Variants in GPC6 observed in about 807,000 individuals in gnomAD.
The protein encoded by GPC6 is glypican 6, also known as glypican-6.
A neutral mutation model predicts 55.2 loss-of-function variants in GPC6; 14 were observed. That is an observed-to-expected ratio of 0.25 (90% CI 0.17 to 0.40). The LOEUF is 0.40. Ranked by LOEUF, GPC6 falls within the 10% of genes least tolerant of loss-of-function variation. The pLI, the probability that GPC6 is intolerant of heterozygous loss-of-function variation, is 1.00. For missense variants in GPC6, 641 were observed against 708.5 expected (o/e 0.90, Z 1.08); for synonymous variants, 278 against 259.6 (o/e 1.07, Z -0.68).
At chr13:93,422,812 TCTG>T (rs1454579412) in intron 1 of GPC6, among the ~76,000 whole-genome samples, 14 of 152,336 alleles carry the variant, frequency 9.2e-5, no homozygotes, top group Middle Eastern at 6.8e-3. Flanking sequence ...AAAGGTTTTC[TCTG>T]TAAAAAAGGT....
chr13:93,694,334 A>G (rs1169685100), intron 2 of GPC6, among the ~76,000 whole-genome samples: 1 of 152,178 alleles, frequency 6.6e-6, no homozygotes, highest in Non-Finnish European at 1.5e-5. Context: ...TATCTGGGTG[A>G]GAAATTGGTT....
chr13:93,667,876 A>T (rs1461614641), intron 2 of GPC6, among the ~76,000 whole-genome samples: 1 of 152,038 alleles, frequency 6.6e-6, no homozygotes, highest in Non-Finnish European at 1.5e-5. Flanking sequence ...TTAGAACTTG[A>T]TCAATTAACA....
At chr13:94,272,742 A>C (rs1245144194) in intron 4 of GPC6, among the ~76,000 whole-genome samples, 1 of 152,110 alleles carries the variant, frequency 6.6e-6, no homozygotes, top group Non-Finnish European at 1.5e-5. Context: ...TGCTGGGATT[A>C]CAGGCATGAG....
intron 1 of GPC6, among the ~76,000 whole-genome samples, chr13:93,314,712 GGTGTGTGTGTGTGTGTGTGTGTGTGTGT>G (rs370613459): frequency 6.8e-6 from 1 of 147,556 alleles, no homozygotes; most frequent in African/African-American, 2.5e-5. Context: ...AACAAGGAGG[GGTGTGTGTGTGTGTGTGTGTGTGTGTGT>G]GTGTGTGTGT....
chr13:93,849,662 C>G (rs1888326445), intron 3 of GPC6, among the ~76,000 whole-genome samples: 1 of 152,080 alleles, frequency 6.6e-6, no homozygotes, highest in Admixed American at 6.6e-5. Flanking sequence ...TTCTTTCCCT[C>G]AGATTTTCCC....
chr13:93,720,937 T>A (rs1408351038), intron 2 of GPC6, among the ~76,000 whole-genome samples: 2 of 151,338 alleles, frequency 1.3e-5, no homozygotes, highest in Admixed American at 6.6e-5. Context: ...GAGACTGTTA[T>A]GATTTCCATT....
At chr13:93,419,807 G>A (rs986186807) in intron 1 of GPC6, among the ~76,000 whole-genome samples, 51 of 152,202 alleles carry the variant, frequency 3.4e-4, no homozygotes, top group Middle Eastern at 6.8e-3. Flanking sequence ...CATGTTTGGA[G>A]ATGACACTGT....
chr13:93,327,241 C>G (rs2139131580), intron 1 of GPC6, among the ~76,000 whole-genome samples: 1 of 152,160 alleles, frequency 6.6e-6, no homozygotes, highest in East Asian at 1.9e-4. Context: ...TTTATTTGTT[C>G]TAAGCATTGT....
rs75660341 is a variant in GPC6, at chr13:93,702,158, C to T, written c.320-127996C>T. Among the ~76,000 whole-genome samples the T allele has an allele frequency of 5.3e-5, 8 of 152,140 alleles. No homozygotes were observed. In the East Asian group the frequency reaches 1.6e-3, roughly 30 times the overall value. On this transcript the variant is annotated intron_variant, in intron 2 of 8. Transcript: ENST00000377047. Reference sequence around the variant, plus strand: ...AATAGACTTGAAAGTGAAAATTACTCCTTGATCCATGAGCTATAGATTTGA... The same window carrying T: ...AATAGACTTGAAAGTGAAAATTACTTCTTGATCCATGAGCTATAGATTTGA...
At chr13:93,512,771 A>C (rs1024018311) in intron 1 of GPC6, among the ~76,000 whole-genome samples, 3 of 152,084 alleles carry the variant, frequency 2.0e-5, no homozygotes, top group Admixed American at 2.0e-4. Flanking sequence ...TTAGGATAAA[A>C]ATTTGTAGCT....
intron 1 of GPC6, among the ~76,000 whole-genome samples, chr13:93,238,844 T>C (rs1876329539): frequency 2.0e-5 from 3 of 152,300 alleles, no homozygotes; most frequent in Middle Eastern, 3.4e-3. Flanking sequence ...TCTGCTAAAA[T>C]GACCATATAG....
intron 2 of GPC6, among the ~76,000 whole-genome samples, chr13:93,629,587 C>T (rs1247772513): frequency 6.6e-6 from 1 of 152,174 alleles, no homozygotes; most frequent in Non-Finnish European, 1.5e-5. Flanking sequence ...ACATTACATA[C>T]TCTCTTAGAC....
intron 2 of GPC6, among the ~76,000 whole-genome samples, chr13:93,574,487 G>T (rs552026061): frequency 1.1e-4 from 17 of 151,984 alleles, no homozygotes; most frequent in Non-Finnish European, 2.2e-4. Context: ...CTTGATTTTG[G>T]ACCCCTAGCC....
chr13:94,248,674 T>TGA (rs142240819), intron 4 of GPC6, among the ~76,000 whole-genome samples: 9,597 of 146,644 alleles, frequency 0.065, 407 homozygotes, highest in Non-Finnish European at 0.1. Context: ...CATTTCAGGC[T>TGA]GAGAGAGAGA....
chr13:93,399,972 G>C (rs895804796), intron 1 of GPC6, among the ~76,000 whole-genome samples: 2 of 152,172 alleles, frequency 1.3e-5, no homozygotes, highest in Non-Finnish European at 2.9e-5. Flanking sequence ...AAGATACAAT[G>C]GGAGTCTTAT....
chr13:93,413,756 T>C (rs935277709), intron 1 of GPC6, among the ~76,000 whole-genome samples: 1 of 152,166 alleles, frequency 6.6e-6, no homozygotes, highest in Non-Finnish European at 1.5e-5. Context: ...CCTTAGAATC[T>C]TCTTCATTCT....
chr13:93,312,501 A>G (rs1007702411), intron 1 of GPC6, among the ~76,000 whole-genome samples: 16 of 152,160 alleles, frequency 1.1e-4, no homozygotes, highest in African/African-American at 3.9e-4. Flanking sequence ...CTTAATCAGT[A>G]TCCTGCTTTC....
At chr13:94,344,479 A>G (rs1302763803) in intron 6 of GPC6, among the ~76,000 whole-genome samples, 1 of 152,228 alleles carries the variant, frequency 6.6e-6, no homozygotes, top group African/African-American at 2.4e-5. Context: ...TTCTTTCCCC[A>G]GAATCTGGAA....
chr13:93,245,186 C>A (rs1296864792), intron 1 of GPC6, among the ~76,000 whole-genome samples: 1 of 152,184 alleles, frequency 6.6e-6, no homozygotes, highest in Non-Finnish European at 1.5e-5. Context: ...AAGCTACCAA[C>A]AGTTTAACAG....
Sources: allele counts gnomAD v4.1 joint callset (sites outside exome capture counted in the v4.1 genomes callset), GRCh38; gene constraint gnomAD v4.1.1; transcripts MANE v1.5; gene names NCBI Gene and HGNC (gene_info 2026-07-23, HGNC 2026-07-21).